The following ZMAT4 variants were observed in gnomAD, a reference collection of about 807,000 sequenced individuals.
ZMAT4 encodes the protein zinc finger matrin-type protein 4.
Under a neutral mutation model 28.7 loss-of-function variants are expected in ZMAT4, and 17 were observed. The observed-to-expected ratio is 0.59, with a 90% CI of 0.41 to 0.89. ZMAT4 has a LOEUF of 0.89. ZMAT4 is among the 40% of genes least tolerant of loss of function. The pLI, the probability that ZMAT4 is intolerant of heterozygous loss-of-function variation, is 0.00. For synonymous variants in ZMAT4, 117 were observed against 109.2 expected (o/e 1.07, Z -0.44); for missense variants, 240 against 283.8 (o/e 0.85, Z 1.11).
chr8:40,565,218 C>G (rs1803877618), intron 6 of ZMAT4, among the ~76,000 whole-genome samples: 1 of 152,104 alleles, frequency 6.6e-6, no homozygotes, highest in African/African-American at 2.4e-5. Context: ...TTACAAAATT[C>G]AAATCCTCAT....
chr8:40,602,664 T>G (rs1805440159), intron 5 of ZMAT4, among the ~76,000 whole-genome samples: 1 of 152,244 alleles, frequency 6.6e-6, no homozygotes, highest in Admixed American at 6.5e-5. Flanking sequence ...GCCATTTTTA[T>G]GTCTTCTTTT....
At chr8:40,852,484 G>C (rs993147466) in intron 1 of ZMAT4, among the ~76,000 whole-genome samples, 1 of 152,186 alleles carries the variant, frequency 6.6e-6, no homozygotes. Context: ...TACTGTCTTA[G>C]TTGAAGTATG....
At chr8:40,870,402 C>T (rs1399085783) in intron 1 of ZMAT4, among the ~76,000 whole-genome samples, 4 of 152,134 alleles carry the variant, frequency 2.6e-5, no homozygotes, top group Non-Finnish European at 5.9e-5. Flanking sequence ...TGTTTTTTCT[C>T]CTGTTAATCT....
chr8:40,722,913 C>T (rs567537753), intron 3 of ZMAT4, among the ~76,000 whole-genome samples: 1 of 152,146 alleles, frequency 6.6e-6, no homozygotes, highest in Non-Finnish European at 1.5e-5. Context: ...AAATTCTCAA[C>T]ACAAGAATGG....
intron 5 of ZMAT4, among the ~76,000 whole-genome samples, chr8:40,653,429 A>C (rs879780364): frequency 3.3e-5 from 5 of 152,066 alleles, no homozygotes; most frequent in African/African-American, 4.8e-5. Flanking sequence ...AAGATGAAAT[A>C]GATTATAGAA....
intron 1 of ZMAT4, among the ~76,000 whole-genome samples, chr8:40,842,104 G>A (rs1010937746): frequency 6.6e-6 from 1 of 152,174 alleles, no homozygotes; most frequent in African/African-American, 2.4e-5. Context: ...TCCTATAGGT[G>A]AGGCACCTGA....
At position 40,870,620 on chromosome 8, in the gene ZMAT4, G is replaced by A. The variant is rs150547446; in HGVS notation, c.-5+27063C>T. 5.9e-3 allele frequency among the ~76,000 whole-genome samples: 894 copies of A among 152,114 alleles called. 4 individuals are homozygous for A. Among genetic ancestry groups the A allele is most frequent in the Middle Eastern group, 0.02 (6 of 294 alleles). ...GCCCTCAGTATGTTTCTTTCCTTAC[G>A]TGTCCTATGTCCTCGTACAAGACTG... On this transcript the variant is annotated intron_variant, in intron 1 of 6. Transcript: ENST00000297737.
At chr8:40,824,837 A>G (rs1057487928) in intron 2 of ZMAT4, among the ~76,000 whole-genome samples, 5 of 152,342 alleles carry the variant, frequency 3.3e-5, no homozygotes, top group Middle Eastern at 3.4e-3. Flanking sequence ...AACATGCCCT[A>G]GTAGCTCTCA....
intron 3 of ZMAT4, among the ~76,000 whole-genome samples, chr8:40,764,495 A>C (rs1463770565): frequency 1.3e-5 from 2 of 152,068 alleles, no homozygotes; most frequent in African/African-American, 4.8e-5. Flanking sequence ...ATGGGGTGGG[A>C]GCAGGGTTCA....
At chr8:40,870,615 C>T (rs540681430) in intron 1 of ZMAT4, among the ~76,000 whole-genome samples, 29 of 152,256 alleles carry the variant, frequency 1.9e-4, no homozygotes, top group Admixed American at 1.8e-3. Flanking sequence ...TGTTTCTTTC[C>T]TTACGTGTCC....
intron 3 of ZMAT4, among the ~76,000 whole-genome samples, chr8:40,752,673 C>A (rs144462761): frequency 1.5e-3 from 228 of 152,298 alleles, no homozygotes; most frequent in African/African-American, 5.2e-3. Flanking sequence ...TCCCATTCAT[C>A]TATTTTTACC....
chr8:40,839,782 T>A (rs915991464), intron 1 of ZMAT4, among the ~76,000 whole-genome samples: 9 of 152,112 alleles, frequency 5.9e-5, no homozygotes, highest in Admixed American at 4.6e-4. Context: ...ACATAGAGTG[T>A]GGAGTGAAAG....
intron 5 of ZMAT4, among the ~76,000 whole-genome samples, chr8:40,632,526 G>T (rs887024551): frequency 2.0e-5 from 3 of 152,130 alleles, no homozygotes; most frequent in Non-Finnish European, 4.4e-5. Context: ...CCTGGAGGAG[G>T]GTGGGCCCTA....
At chr8:40,668,018 G>T (rs1374869978) in intron 5 of ZMAT4, among the ~76,000 whole-genome samples, 1 of 152,080 alleles carries the variant, frequency 6.6e-6, no homozygotes, top group Non-Finnish European at 1.5e-5. Flanking sequence ...AATATGATTC[G>T]AGAAAAAGTG....
At chr8:40,555,591 T>G (rs1389677891) in intron 6 of ZMAT4, among the ~76,000 whole-genome samples, 1 of 152,120 alleles carries the variant, frequency 6.6e-6, no homozygotes, top group Admixed American at 6.5e-5. Flanking sequence ...TCACAGAGGA[T>G]AAGCTACTTT....
chr8:40,771,038 T>G (rs2150564334), intron 2 of ZMAT4, among the ~76,000 whole-genome samples: 1 of 152,240 alleles, frequency 6.6e-6, no homozygotes, highest in Non-Finnish European at 1.5e-5. Context: ...CATTGCCGCA[T>G]TACCTAAATA....
At chr8:40,731,775 C>A (rs375534322) in intron 3 of ZMAT4, among the ~76,000 whole-genome samples, 1 of 152,162 alleles carries the variant, frequency 6.6e-6, no homozygotes, top group Non-Finnish European at 1.5e-5. Context: ...CGCACACACA[C>A]GTTCACAGCA....
At chr8:40,712,799 T>C (rs1326364888) in intron 3 of ZMAT4, among the ~76,000 whole-genome samples, 1 of 152,176 alleles carries the variant, frequency 6.6e-6, no homozygotes, top group East Asian at 1.9e-4. Context: ...CTTCCAGAAA[T>C]TGGGCATTGC....
chr8:40,628,828 C>A (rs747303368), intron 5 of ZMAT4, among the ~76,000 whole-genome samples: 11 of 152,000 alleles, frequency 7.2e-5, no homozygotes, highest in Admixed American at 2.6e-4. Flanking sequence ...TAAGAAGTAT[C>A]CACTAGAGAA....
Sources: gnomAD v4.1 joint callset for allele counts (sites outside exome capture counted in the v4.1 genomes callset) on GRCh38, gnomAD v4.1.1 for gene constraint, MANE v1.5 for transcripts, NCBI Gene and HGNC (gene_info 2026-07-23, HGNC 2026-07-21) for gene names.